Variants in DIABLO observed in about 807,000 individuals in gnomAD.
DIABLO encodes the protein diablo IAP-binding mitochondrial protein.
A neutral mutation model predicts 31.7 loss-of-function variants in DIABLO; 32 were observed. That is an observed-to-expected ratio of 1.01 (90% CI 0.76 to 1.35). The LOEUF (loss-of-function observed/expected upper bound fraction) is 1.35. DIABLO is among the 40% of genes most tolerant of loss of function. The pLI is 0.00. For synonymous variants in DIABLO, 132 were observed against 103.2 expected, an observed-to-expected ratio of 1.28 and a Z score of -1.69; for missense variants, 316 against 286.4, an observed-to-expected ratio of 1.10 and a Z score of -0.75.
chr12:122,226,471 G>A (rs1339341950), upstream of DIABLO: 3 of 698,640 alleles, frequency 4.3e-6, no homozygotes, highest in East Asian at 2.7e-5. Context: ...CCGGCCAGCA[G>A]CAGCGCCCCG....
chr12:122,218,320 G>A lies in DIABLO; in HGVS notation c.261C>T (p.Thr87=), dbSNP rs773750793. ...AVSLVTDSTS[T]FLSQTTYALI... is the part of the protein sequence containing the mutation. ...ACGCATATGTGGTCTGAGAGAGAAA[G>A]GTAGAGGTGCTATCTGTTACCAAAG... is the stretch of plus-strand genomic sequence containing the variant. Residue 87 remains threonine (T), a synonymous_variant, in exon 3 of 6, where the codon ACC becomes ACT. Transcript: ENST00000464942. 1.2e-6 allele frequency: 2 copies of A among 1,614,110 alleles called. No homozygotes were observed. The highest frequency in any genetic ancestry group is 2.2e-5 in the South Asian group (2 of 91,084).
At chr12:122,218,740 G>T in intron 2 of DIABLO, 3 of 340,004 alleles carry the variant, frequency 8.8e-6, no homozygotes, top group Non-Finnish European at 1.7e-5. Context: ...AGGAGATTGA[G>T]ACGATCCTGG....
chr12:122,211,043 A>T (rs1194008348), intron 5 of DIABLO, among the ~76,000 whole-genome samples: 2 of 138,814 alleles, frequency 1.4e-5, no homozygotes, highest in Non-Finnish European at 3.0e-5. Context: ...TCTCTCACAC[A>T]CACAAATCTG....
intron 3 of DIABLO, among the ~76,000 whole-genome samples, chr12:122,217,971 T>A (rs1422675293): frequency 7.6e-6 from 1 of 131,970 alleles, no homozygotes; most frequent in Admixed American, 7.2e-5. Flanking sequence ...ACATTTAAGA[T>A]TTTTCTGTAA....
Position 122,208,213 on chromosome 12 carries a change from G to A in DIABLO, c.*168C>T, listed in dbSNP as rs1405766532. On this transcript the variant is annotated 3_prime_UTR_variant, in exon 6 of 6. Coordinates refer to ENST00000464942, the MANE Select transcript of DIABLO (RefSeq NM_001371333.1). ...TAAGAACCAGGTCCAGCGCAAGCCT[G>A]AGACCACAGGAGGCACTCACAGCTC... 1 of 791,628 alleles carries A rather than the reference G, an allele frequency of 1.3e-6. No homozygotes were observed. The highest frequency in any genetic ancestry group is 2.1e-6 in the Non-Finnish European group (1 of 468,940). The allele number at this position is 791,628 out of a possible 1,614,324, so 49.0% of individuals were successfully genotyped here. A position where few individuals can be genotyped will look rare whatever the true frequency, so the allele number is the denominator to read the frequency against.
intron 3 of DIABLO, chr12:122,217,409 G>A: frequency 6.2e-6 from 1 of 161,718 alleles, no homozygotes; most frequent in Non-Finnish European, 1.4e-5. Context: ...CAGCTACTCA[G>A]GAGGCTGAGG....
At chr12:122,227,225 G>A (rs377017894), upstream of DIABLO, 1 of 376,156 alleles carries the variant, frequency 2.7e-6, no homozygotes, top group Non-Finnish European at 5.4e-6. Flanking sequence ...CACCAGAGAC[G>A]ACATCAGACA....
At chr12:122,219,986 C>G (rs952554493) in intron 2 of DIABLO, among the ~76,000 whole-genome samples, 5 of 150,804 alleles carry the variant, frequency 3.3e-5, no homozygotes, top group African/African-American at 1.2e-4. Context: ...CTCTATCACC[C>G]AGGCTGGAGT....
chr12:122,219,954 T>A (rs538667098), intron 2 of DIABLO, among the ~76,000 whole-genome samples: 234 of 151,446 alleles, frequency 1.5e-3, no homozygotes, highest in African/African-American at 4.7e-3. Flanking sequence ...ATTTTATTTT[T>A]TTTTTTTGAG....
At chr12:122,213,595 T>A (rs931152362) in intron 5 of DIABLO, among the ~76,000 whole-genome samples, 1 of 152,148 alleles carries the variant, frequency 6.6e-6, no homozygotes, top group Non-Finnish European at 1.5e-5. Context: ...ATAATGCTTA[T>A]ACATCCCCTC....
chr12:122,208,463 A>C lies in DIABLO; in HGVS notation c.638T>G (p.Ile213Arg). 1 of 1,613,916 alleles carries C rather than the reference A, an allele frequency of 6.2e-7. No individual in the cohort carries two copies. Among genetic ancestry groups the C allele is most frequent in the Admixed American group, 1.7e-5 (1 of 60,012 alleles). ...KAETKLAEAQ[I>R]EELRQKTQEE... The stretch of plus-strand genomic sequence containing the variant: ...CTGTGTTTTCTGACGGAGCTCTTCT[A>C]TCTGTGCTTCTGCCAGCTTGGTTTC... Residue 213 changes from isoleucine to arginine, a missense_variant, in exon 6 of 6, where the codon ATA becomes AGA. Coordinates refer to ENST00000464942, the MANE Select transcript of DIABLO (RefSeq NM_001371333.1).
At chr12:122,216,390 C>CTTT (rs1954211378) in intron 5 of DIABLO, 98 bp downstream of exon 5, 2 of 1,035,730 alleles carry the variant, frequency 1.9e-6, no homozygotes, top group East Asian at 4.8e-5. Flanking sequence ...AGACCATTTA[C>CTTT]TATAAAGCCC....
chr12:122,224,398 GA>G, intron 2 of DIABLO, 113 bp downstream of exon 2: 1 of 1,500,776 alleles, frequency 6.7e-7, no homozygotes, highest in Non-Finnish European at 9.2e-7. Context: ...TACTGTGGGG[GA>G]AGGGATGGGA....
intron 5 of DIABLO, among the ~76,000 whole-genome samples, chr12:122,215,293 A>AC (rs1376936232): frequency 6.6e-6 from 1 of 151,624 alleles, no homozygotes; most frequent in African/African-American, 2.4e-5. Context: ...AAAAAAAAAA[A>AC]TTTGGCCGGA....
intron 5 of DIABLO, among the ~76,000 whole-genome samples, chr12:122,212,790 A>G (rs551398513): frequency 2.0e-5 from 3 of 151,184 alleles, no homozygotes; most frequent in Admixed American, 2.0e-4. Context: ...ACACATAGCT[A>G]ATTTTTTTGT....
chr12:122,208,611 C>G, intron 5 of DIABLO, 34 bp from the exon 6 acceptor site: 1 of 1,603,552 alleles, frequency 6.2e-7, no homozygotes, highest in Middle Eastern at 1.7e-4. Context: ...GTTGAGCAGC[C>G]GTGCAGGGCG....
intron 5 of DIABLO, among the ~76,000 whole-genome samples, chr12:122,214,094 C>A (rs369415368): frequency 6.6e-6 from 1 of 150,964 alleles, no homozygotes; most frequent in Non-Finnish European, 1.5e-5. Context: ...AAAAAACAAA[C>A]AAACAAAAAA....
chr12:122,225,831 C>G, intron 1 of DIABLO, 134 bp downstream of exon 1: 1 of 1,512,256 alleles, frequency 6.6e-7, no homozygotes, highest in Non-Finnish European at 8.9e-7. Context: ...CCGACCGGAG[C>G]GAGACGCCGC....
At chr12:122,218,869 G>A (rs1323063347) in intron 2 of DIABLO, 1 of 189,430 alleles carries the variant, frequency 5.3e-6, no homozygotes, top group South Asian at 9.3e-5. Context: ...ACTGAACCCA[G>A]GAGGCAGAGG....
Sources: gnomAD v4.1 joint callset for allele counts (sites outside exome capture counted in the v4.1 genomes callset) on GRCh38, gnomAD v4.1.1 for gene constraint, MANE v1.5 for transcripts, NCBI Gene and HGNC (gene_info 2026-07-23, HGNC 2026-07-21) for gene names.